The following OVOL2 variants were observed in gnomAD, a reference collection of about 807,000 sequenced individuals.
OVOL2 encodes the protein ovo like zinc finger 2.
Under a neutral mutation model 18.1 loss-of-function variants are expected in OVOL2, and 13 were observed. The observed-to-expected ratio is 0.72, with a 90% CI of 0.47 to 1.14. The LOEUF (loss-of-function observed/expected upper bound fraction) is 1.14. Ranked by LOEUF, OVOL2 falls within the 50% of genes most tolerant of loss-of-function variation. The pLI is 0.00. For synonymous variants in OVOL2, 166 were observed against 162.7 expected (o/e 1.02, Z -0.16); for missense variants, 335 against 383.0 (o/e 0.87, Z 1.05).
intron 3 of OVOL2, among the ~76,000 whole-genome samples, chr20:18,026,871 G>A (rs1245504045): frequency 6.6e-6 from 1 of 152,094 alleles, no homozygotes; most frequent in Non-Finnish European, 1.5e-5. Context: ...CCTTGAGCCA[G>A]TGGCTGAATA....
At chr20:18,048,936 C>A (rs555885979) in intron 2 of OVOL2, among the ~76,000 whole-genome samples, 17 of 152,270 alleles carry the variant, frequency 1.1e-4, no homozygotes, top group Non-Finnish European at 2.2e-4. Context: ...ATGCTACCTT[C>A]TGGAAAAGCT....
chr20:18,055,046 A>G (rs2036806957), intron 2 of OVOL2, among the ~76,000 whole-genome samples: 1 of 152,104 alleles, frequency 6.6e-6, no homozygotes, highest in African/African-American at 2.4e-5. Flanking sequence ...GAAACTATGG[A>G]AAGAAGACTC....
intron 3 of OVOL2, 60 bp from the exon 4 acceptor site, chr20:18,025,012 A>C: frequency 6.5e-7 from 1 of 1,538,668 alleles, no homozygotes; most frequent in Non-Finnish European, 8.8e-7. Flanking sequence ...GAACCACCCA[A>C]CTATGAAGCC....
chr20:18,056,806 C>A lies in OVOL2; in HGVS notation c.172G>T (p.Gly58Cys). The change falls in exon 2 of 4, where the codon GGC becomes TGC. Residue 58 changes from glycine (G) to cysteine (C), a missense_variant. Coordinates refer to ENST00000278780, the MANE Select transcript of OVOL2 (RefSeq NM_021220.4). This position sits in a 1 kb window ranked among gnomAD's most constrained non-coding sequence, Gnocchi z 4.2. ...CCAGGCTCCCCCGCGCTGCTGCTGC[C>A]GCTGCCGCTGCTGCTGCCGCCGTCG... ...RSDGGSSSGS[G>C]SSSAGEPGGA... 2 of 1,491,884 alleles carry A rather than the reference C, an allele frequency of 1.3e-6. No individual in the cohort carries two copies. The highest frequency in any genetic ancestry group is 1.8e-6 in the Non-Finnish European group (2 of 1,128,092). The allele number at this position is 1,491,884 out of a possible 1,614,324, so 92.4% of individuals were successfully genotyped here.
chr20:18,024,726 T>G lies in OVOL2; in HGVS notation c.738A>C (p.Thr246=). 2 of 1,614,168 alleles carry G rather than the reference T, an allele frequency of 1.2e-6. No homozygotes were observed. Among genetic ancestry groups the G allele is most frequent in the Middle Eastern group, 1.6e-4 (1 of 6,062 alleles). ...AHPGSSFLKK[T]SKKLAALLQG... ...GCAGAAGGGCTGCCAGTTTTTTAGA[T>G]GTCTTTTTGAGAAACGAGCTGCCCG... The change falls in exon 4 of 4, where the codon ACA becomes ACC. Residue 246 remains threonine (T), a synonymous_variant. Transcript: ENST00000278780.
At position 18,033,703 on chromosome 20, in the gene OVOL2, C is replaced by A. The variant is rs529767182; in HGVS notation, c.511+7831G>T. Among the ~76,000 whole-genome samples the A allele has an allele frequency of 3.3e-5, 5 of 152,262 alleles. No individual in the cohort carries two copies. The East Asian group carries it at 9.7e-4, about 29-fold the overall frequency. The stretch of plus-strand genomic sequence containing the variant: ...TCGCTCCTGGGGACTCTGGCACTGC[C>A]GGTCCACTGACCACCCTTTGAGTAG... On this transcript the variant is annotated intron_variant, in intron 3 of 3. Coordinates refer to ENST00000278780, the MANE Select transcript of OVOL2 (RefSeq NM_021220.4).
At position 18,041,568 on chromosome 20, in the gene OVOL2, G is replaced by A; in HGVS notation, c.477C>T (p.Thr159=). 1 of 1,614,086 alleles carries A rather than the reference G, an allele frequency of 6.2e-7. No individual in the cohort carries two copies. Among genetic ancestry groups the A allele is most frequent in the Non-Finnish European group, 8.5e-7 (1 of 1,179,936 alleles). The part of the protein sequence containing the change: ...CTFCGKGFND[T]FDLKRHVRTH... The stretch of plus-strand genomic sequence containing the variant: ...TGCGGACGTGCCTCTTCAGGTCGAA[G>A]GTGTCGTTGAAGCCCTTGCCGCAGA... Residue 159 remains threonine (T), a synonymous_variant, in exon 3 of 4, where the codon ACC becomes ACT. Transcript: ENST00000278780.
intron 3 of OVOL2, among the ~76,000 whole-genome samples, 155 bp from the exon 4 acceptor site, chr20:18,025,107 A>G (rs2036500596): frequency 6.6e-6 from 1 of 152,236 alleles, no homozygotes; most frequent in South Asian, 2.1e-4. Flanking sequence ...ACAAAAAATC[A>G]TAGCATCCAC....
chr20:18,025,037 CA>C (rs201416729), intron 3 of OVOL2, 85 bp from the exon 4 acceptor site: 368,710 of 1,467,528 alleles, frequency 0.25, 48,804 homozygotes, highest in Middle Eastern at 0.36. Context: ...AAAGTCATGC[CA>C]TGACCAAGGA....
At chr20:18,046,735 G>A (rs867180818) in intron 2 of OVOL2, among the ~76,000 whole-genome samples, 1 of 152,102 alleles carries the variant, frequency 6.6e-6, no homozygotes, top group African/African-American at 2.4e-5. Context: ...AGCTGACCCC[G>A]CCTGGATCAG....
At chr20:18,025,188 C>A (rs2036501334) in intron 3 of OVOL2, among the ~76,000 whole-genome samples, 1 of 152,198 alleles carries the variant, frequency 6.6e-6, no homozygotes, top group Non-Finnish European at 1.5e-5. Flanking sequence ...AAAACCACCA[C>A]CTGCTTTAGG....
At chr20:18,037,917 TGTCGC>T (rs983839145) in intron 3 of OVOL2, among the ~76,000 whole-genome samples, 10 of 92,180 alleles carry the variant, frequency 1.1e-4, no homozygotes, top group African/African-American at 5.1e-4. Context: ...CAAATCCTTG[TGTCGC>T]GTCTGCTTCT....
chr20:18,050,892 C>T (rs2036765903), intron 2 of OVOL2, among the ~76,000 whole-genome samples: 1 of 152,014 alleles, frequency 6.6e-6, no homozygotes, highest in Non-Finnish European at 1.5e-5. Context: ...GTCAGTTGGC[C>T]AAATGTGCAG....
intron 3 of OVOL2, among the ~76,000 whole-genome samples, chr20:18,027,497 TAGCCTGCGCAACAG>T (rs912367170): frequency 8.7e-5 from 13 of 149,290 alleles, no homozygotes; most frequent in African/African-American, 3.0e-4. Flanking sequence ...CACTGCACTC[TAGCCTGCGCAACAG>T]AGCGCGACTC....
At position 18,056,681 on chromosome 20, in the gene OVOL2, G is replaced by A. The variant is rs759130608; in HGVS notation, c.297C>T (p.Arg99=). 3 of 1,435,560 alleles carry A rather than the reference G, an allele frequency of 2.1e-6. No homozygotes were observed. Among genetic ancestry groups the A allele is most frequent in the Admixed American group, 6.4e-5 (2 of 31,258 alleles). 88.9% of individuals were successfully genotyped at this position (1,435,560 alleles called of 1,614,324 possible). A position where few individuals can be genotyped will look rare whatever the true frequency, so the allele number is the denominator to read the frequency against. The change falls in exon 2 of 4, where the codon CGC becomes CGT. Residue 99 remains arginine (R), a synonymous_variant. Transcript: ENST00000278780. The surrounding 1 kb of genome is among the most constrained non-coding windows in gnomAD (Gnocchi z 4.2). Reference sequence around the variant, plus strand: ...CCTTGATTTTCGATCTGGCGACCGGGCGCTGCTTGGTCGCCAGGTGTCCAT... The same window carrying A: ...CCTTGATTTTCGATCTGGCGACCGGACGCTGCTTGGTCGCCAGGTGTCCAT... ...GPDGHLATKQ[R]PVARSKIKFT...
chr20:18,029,891 G>A (rs1200477802), intron 3 of OVOL2, among the ~76,000 whole-genome samples: 1 of 152,038 alleles, frequency 6.6e-6, no homozygotes, highest in Non-Finnish European at 1.5e-5. Context: ...AGGTGGGAGA[G>A]ATCACTGGAA....
At chr20:18,052,657 T>C (rs140886628) in intron 2 of OVOL2, among the ~76,000 whole-genome samples, 2 of 152,188 alleles carry the variant, frequency 1.3e-5, no homozygotes, top group East Asian at 1.9e-4. Context: ...CAAGACTCGA[T>C]AGAGAGCCGG....
chr20:18,026,382 AT>A (rs11337430), intron 3 of OVOL2, among the ~76,000 whole-genome samples: 18,651 of 138,704 alleles, frequency 0.13, 1,226 homozygotes, highest in East Asian at 0.31. Context: ...TCAGGAATCC[AT>A]TTTTTTTTTT....
Position 18,024,458 on chromosome 20 carries a change from G to A in OVOL2, c.*178C>T, listed in dbSNP as rs1489235848. On this transcript the variant is annotated 3_prime_UTR_variant, in exon 4 of 4. Coordinates refer to ENST00000278780, the MANE Select transcript of OVOL2 (RefSeq NM_021220.4). The stretch of plus-strand genomic sequence containing the variant: ...CAGGACACAGGTTACAGGGCCTGAC[G>A]TCACTAACGGCAACTGACAATCTTG... 2 of 1,343,670 alleles carry A rather than the reference G, an allele frequency of 1.5e-6. No homozygotes were observed. Among genetic ancestry groups the A allele is most frequent in the Non-Finnish European group, 2.0e-6 (2 of 1,022,022 alleles). The allele number at this position is 1,343,670 out of a possible 1,614,324, so 83.2% of individuals were successfully genotyped here.
Sources: allele counts gnomAD v4.1 joint callset (sites outside exome capture counted in the v4.1 genomes callset), GRCh38; gene constraint gnomAD v4.1.1; non-coding constraint Gnocchi (gnomAD v3.1); transcripts MANE v1.5; gene names NCBI Gene and HGNC (gene_info 2026-07-23, HGNC 2026-07-21).